Variants in ROBO1 observed in about 807,000 individuals in gnomAD.
ROBO1 encodes roundabout guidance receptor 1, also known as roundabout homolog 1.
A neutral mutation model predicts 195.9 loss-of-function variants in ROBO1; 149 were observed. The ratio of observed to expected loss-of-function variants is 0.76; its 90% CI spans 0.67 to 0.87. The LOEUF (loss-of-function observed/expected upper bound fraction) is 0.87. ROBO1 is among the 40% of genes least tolerant of loss of function. ROBO1 has a pLI of 0.00. For synonymous variants in ROBO1, 816 were observed against 733.2 expected (o/e 1.11, Z -1.82); for missense variants, 1,933 against 2,068.3 (o/e 0.93, Z 1.27).
chr3:79,084,314 C>T (rs2108471058), intron 3 of ROBO1, among the ~76,000 whole-genome samples: 1 of 152,200 alleles, frequency 6.6e-6, no homozygotes, highest in Non-Finnish European at 1.5e-5. Context: ...GCCTGACCAA[C>T]ATGGAGAAAC....
At chr3:78,919,197 A>G (rs2038801472) in intron 4 of ROBO1, among the ~76,000 whole-genome samples, 1 of 152,208 alleles carries the variant, frequency 6.6e-6, no homozygotes, top group African/African-American at 2.4e-5. Context: ...GCTCAAGTGT[A>G]TCCTCACAAA....
intron 2 of ROBO1, among the ~76,000 whole-genome samples, chr3:79,305,869 T>G (rs1383416766): frequency 6.6e-6 from 1 of 152,138 alleles, no homozygotes; most frequent in Non-Finnish European, 1.5e-5. Flanking sequence ...AATAATTTCC[T>G]TTATCTAATA....
chr3:79,081,054 A>G (rs1302539764), intron 3 of ROBO1, among the ~76,000 whole-genome samples: 1 of 152,128 alleles, frequency 6.6e-6, no homozygotes, highest in Non-Finnish European at 1.5e-5. Context: ...AAATTTCCAT[A>G]GAAGAAAATC....
At chr3:79,155,365 TTAAAA>T (rs1382682385) in intron 2 of ROBO1, among the ~76,000 whole-genome samples, 2 of 151,864 alleles carry the variant, frequency 1.3e-5, no homozygotes, top group East Asian at 3.9e-4. Flanking sequence ...CTTCCTTGAA[TTAAAA>T]TAAACAGCAA....
intron 3 of ROBO1, among the ~76,000 whole-genome samples, chr3:79,027,061 T>C (rs144009692): frequency 4.7e-4 from 72 of 152,208 alleles, no homozygotes; most frequent in African/African-American, 1.6e-3. Flanking sequence ...TTTTAATCAG[T>C]TAGACAAATT....
At chr3:79,716,041 T>C (rs947839946) in intron 1 of ROBO1, among the ~76,000 whole-genome samples, 1 of 152,106 alleles carries the variant, frequency 6.6e-6, no homozygotes, top group Non-Finnish European at 1.5e-5. Context: ...AAGATGTTTT[T>C]AGCCAAATTC....
intron 2 of ROBO1, among the ~76,000 whole-genome samples, chr3:79,183,952 A>G (rs1433258102): frequency 6.6e-6 from 1 of 152,220 alleles, no homozygotes; most frequent in Non-Finnish European, 1.5e-5. Context: ...ATTTCAGTCA[A>G]TGCAAACTTG....
chr3:79,683,724 T>A (rs1450494256), intron 1 of ROBO1, among the ~76,000 whole-genome samples: 1 of 152,100 alleles, frequency 6.6e-6, no homozygotes, highest in Non-Finnish European at 1.5e-5. Context: ...ATATTGTCCT[T>A]CTTTCACTTA....
intron 2 of ROBO1, among the ~76,000 whole-genome samples, chr3:79,433,623 T>C (rs1471222845): frequency 6.6e-6 from 1 of 152,154 alleles, no homozygotes; most frequent in Non-Finnish European, 1.5e-5. Context: ...TTGGCCATAC[T>C]GCCCAAGGTA....
At chr3:78,926,024 C>A (rs2039198483) in intron 4 of ROBO1, among the ~76,000 whole-genome samples, 1 of 152,100 alleles carries the variant, frequency 6.6e-6, no homozygotes, top group South Asian at 2.1e-4. Context: ...ATGCCCACCC[C>A]CACACATGGC....
intron 3 of ROBO1, among the ~76,000 whole-genome samples, chr3:79,117,305 G>A (rs895778483): frequency 5.9e-5 from 9 of 152,018 alleles, no homozygotes; most frequent in Non-Finnish European, 1.2e-4. Flanking sequence ...TGGGGGTGGA[G>A]GTTGCAGTGA....
At chr3:79,020,692 TTAAA>T (rs552434359) in intron 3 of ROBO1, among the ~76,000 whole-genome samples, 4 of 152,062 alleles carry the variant, frequency 2.6e-5, no homozygotes, top group East Asian at 3.9e-4. Context: ...AGACTCCGTC[TTAAA>T]TAAATAAATA....
At chr3:79,261,915 T>C (rs560667722) in intron 2 of ROBO1, among the ~76,000 whole-genome samples, 5 of 152,152 alleles carry the variant, frequency 3.3e-5, no homozygotes, top group African/African-American at 1.2e-4. Flanking sequence ...CTATAGAAAT[T>C]AGTGCTATGG....
intron 3 of ROBO1, among the ~76,000 whole-genome samples, chr3:79,002,468 T>C (rs1054489355): frequency 6.6e-6 from 1 of 152,130 alleles, no homozygotes; most frequent in Non-Finnish European, 1.5e-5. Context: ...ATTTAATCTA[T>C]CCCTCATTTA....
chr3:79,666,913 A>T (rs1946492127), intron 1 of ROBO1, among the ~76,000 whole-genome samples: 1 of 151,926 alleles, frequency 6.6e-6, no homozygotes, highest in Admixed American at 6.6e-5. Context: ...AACTAACTTT[A>T]TTTATACTCT....
chr3:78,853,933 A>T (rs2034241846), intron 4 of ROBO1, among the ~76,000 whole-genome samples: 1 of 152,080 alleles, frequency 6.6e-6, no homozygotes, highest in African/African-American at 2.4e-5. Flanking sequence ...AGTATGGAAG[A>T]CACCACTCCC....
chr3:78,639,859 T>C lies in ROBO1; in HGVS notation c.2922A>G (p.Pro974=), dbSNP rs1280795969. The C allele has an allele frequency of 1.9e-6, 3 of 1,610,976 alleles. No homozygotes were observed. The highest frequency in any genetic ancestry group is 1.7e-4 in the Middle Eastern group (1 of 6,000). The change falls in exon 22 of 31, where the codon CCA becomes CCG. Residue 974 remains proline (P), a synonymous_variant. Coordinates refer to ENST00000464233, the MANE Select transcript of ROBO1 (RefSeq NM_002941.4). The part of the protein sequence containing the change: ...LLNISEPAAQ[P]WLADTWPNTG... Reference sequence around the variant, plus strand: ...TATTAGGCCACGTGTCTGCCAGCCATGGCTGCGCGGCAGGTTCACTGATGT... The same window carrying C: ...TATTAGGCCACGTGTCTGCCAGCCACGGCTGCGCGGCAGGTTCACTGATGT...
chr3:79,072,533 T>G (rs2079106648), intron 3 of ROBO1, among the ~76,000 whole-genome samples: 1 of 151,910 alleles, frequency 6.6e-6, no homozygotes, highest in Non-Finnish European at 1.5e-5. Flanking sequence ...TTTGCCACAG[T>G]GTTCACCACT....
intron 1 of ROBO1, among the ~76,000 whole-genome samples, chr3:79,669,548 T>C (rs1337252874): frequency 1.3e-5 from 2 of 151,954 alleles, no homozygotes; most frequent in African/African-American, 4.8e-5. Context: ...GTTTGTAACC[T>C]AGAAGCAATA....
Sources: allele counts gnomAD v4.1 joint callset (sites outside exome capture counted in the v4.1 genomes callset), GRCh38; gene constraint gnomAD v4.1.1; transcripts MANE v1.5; gene names NCBI Gene and HGNC (gene_info 2026-07-23, HGNC 2026-07-21).